Variants in DCLK1 observed in about 807,000 individuals in gnomAD.
DCLK1 encodes the protein doublecortin like kinase 1.
A neutral mutation model predicts 86.2 loss-of-function variants in DCLK1; 16 were observed. That is an observed-to-expected ratio of 0.19 (90% confidence interval 0.13 to 0.28). The LOEUF (loss-of-function observed/expected upper bound fraction) is 0.28. Ranked by LOEUF, DCLK1 falls within the 10% of genes least tolerant of loss-of-function variation. The pLI is 1.00. For missense variants in DCLK1, 590 were observed against 940.2 expected, an observed-to-expected ratio of 0.63 and a Z score of 4.87; for synonymous variants, 369 against 370.5, an observed-to-expected ratio of 1.00 and a Z score of 0.05.
chr13:36,121,707 T>A (rs1170307557), intron 2 of DCLK1, among the ~76,000 whole-genome samples: 1 of 152,148 alleles, frequency 6.6e-6, no homozygotes, highest in African/African-American at 2.4e-5. Flanking sequence ...CTATTTGCAG[T>A]TTCAGGCAAC....
intron 5 of DCLK1, among the ~76,000 whole-genome samples, chr13:35,869,368 T>G (rs1872100060): frequency 6.6e-6 from 1 of 152,210 alleles, no homozygotes; most frequent in Admixed American, 6.5e-5. Flanking sequence ...ACTGACTCTC[T>G]GAGGCCAGGT....
rs192719368 is a variant in DCLK1, at chr13:35,876,643, C to T, written c.824-5303G>A. On this transcript the variant is annotated intron_variant, in intron 4 of 16. Transcript: ENST00000360631. ...TTTGAAACATTGTGAATAATATGACCTAAATGGCCAGTAATGTAGAAAACC... is the reference window on the plus strand; with the variant it reads ...TTTGAAACATTGTGAATAATATGACTTAAATGGCCAGTAATGTAGAAAACC... 3.0e-3 allele frequency among the ~76,000 whole-genome samples: 463 copies of T among 152,250 alleles called. 5 individuals are homozygous for T. Among genetic ancestry groups the T allele is most frequent in the African/African-American group, 0.01 (435 of 41,540 alleles).
intron 8 of DCLK1, among the ~76,000 whole-genome samples, chr13:35,833,285 G>A (rs766737434): frequency 2.0e-5 from 3 of 152,150 alleles, no homozygotes; most frequent in Non-Finnish European, 2.9e-5. Context: ...CCCTTGGCTC[G>A]TGTAGTTATT....
At chr13:35,811,113 C>G in intron 11 of DCLK1, 145 bp from the exon 12 acceptor site, 1 of 957,758 alleles carries the variant, frequency 1.0e-6, no homozygotes, top group Non-Finnish European at 1.6e-6. Flanking sequence ...GATATACATA[C>G]AAAATAGCTT....
intron 6 of DCLK1, chr13:35,847,916 C>T: frequency 1.0e-6 from 1 of 985,238 alleles, no homozygotes; most frequent in Non-Finnish European, 1.2e-6. Context: ...TTAAACAAGA[C>T]AAAAACACAC....
At chr13:36,052,390 T>C (rs1243511482) in intron 3 of DCLK1, among the ~76,000 whole-genome samples, 1 of 152,096 alleles carries the variant, frequency 6.6e-6, no homozygotes, top group African/African-American at 2.4e-5. Flanking sequence ...GAGGATATCA[T>C]GTGAGAAAGA....
chr13:36,118,998 A>G (rs1008847253), intron 2 of DCLK1, among the ~76,000 whole-genome samples: 28 of 152,200 alleles, frequency 1.8e-4, no homozygotes, highest in African/African-American at 6.5e-4. Flanking sequence ...ATCACCTACC[A>G]AAAGCCCTAC....
chr13:35,867,030 C>G (rs1486512695), intron 5 of DCLK1, among the ~76,000 whole-genome samples: 1 of 152,154 alleles, frequency 6.6e-6, no homozygotes, highest in Non-Finnish European at 1.5e-5. Flanking sequence ...TCCTTAACCT[C>G]TGGGCCCGGT....
intron 3 of DCLK1, among the ~76,000 whole-genome samples, chr13:35,978,853 T>C (rs905603984): frequency 2.0e-5 from 3 of 152,190 alleles, no homozygotes; most frequent in Non-Finnish European, 4.4e-5. Flanking sequence ...ATGATGGAAC[T>C]ATCTTCTAAA....
intron 10 of DCLK1, among the ~76,000 whole-genome samples, chr13:35,825,634 A>G (rs1157994263): frequency 1.3e-5 from 2 of 152,176 alleles, no homozygotes; most frequent in Admixed American, 6.5e-5. Context: ...TTCTAACAGC[A>G]CATAGAAGGG....
At position 35,771,905 on chromosome 13, in the gene DCLK1, T is replaced by C. The variant is rs914862032; in HGVS notation, c.*2630A>G. The C allele has an allele frequency of 5.3e-5, 8 of 152,186 alleles. No individual in the cohort carries two copies. The highest frequency in any genetic ancestry group is 7.3e-5 in the Non-Finnish European group (5 of 68,040). 9.4% of individuals were successfully genotyped at this position (152,186 alleles called of 1,614,324 possible). On this transcript the variant is annotated 3_prime_UTR_variant, in exon 17 of 17. Coordinates refer to ENST00000360631, the MANE Select transcript of DCLK1 (RefSeq NM_001330071.2). Reference sequence around the variant, plus strand: ...CACCACCACTTAATTATTTCAAACTTGAACTATCCCAAGAATGTCGAGAAA... The same window carrying C: ...CACCACCACTTAATTATTTCAAACTCGAACTATCCCAAGAATGTCGAGAAA...
chr13:35,826,595 T>C (rs1002115316), intron 10 of DCLK1, among the ~76,000 whole-genome samples: 1 of 146,286 alleles, frequency 6.8e-6, no homozygotes, highest in African/African-American at 2.5e-5. Context: ...TAAAAATAAA[T>C]TTCACCTATA....
intron 6 of DCLK1, among the ~76,000 whole-genome samples, chr13:35,842,497 C>T (rs1159299966): frequency 6.8e-6 from 1 of 148,058 alleles, no homozygotes; most frequent in Non-Finnish European, 1.5e-5. Flanking sequence ...ATAGTGAAAC[C>T]CTGTCTCTCC....
intron 3 of DCLK1, among the ~76,000 whole-genome samples, chr13:35,965,161 T>A (rs1170982): frequency 0.99 from 150,369 of 152,306 alleles, 74,255 homozygotes; most frequent in Middle Eastern, 1. Context: ...TTCTGAACAC[T>A]GGGCAGGTAC....
At chr13:35,878,111 T>G (rs1029492414) in intron 4 of DCLK1, among the ~76,000 whole-genome samples, 4 of 152,180 alleles carry the variant, frequency 2.6e-5, no homozygotes, top group African/African-American at 9.6e-5. Context: ...GCCTGGGAGA[T>G]TCACCACCTC....
chr13:35,874,693 C>A (rs1872494400), intron 4 of DCLK1, among the ~76,000 whole-genome samples: 1 of 152,160 alleles, frequency 6.6e-6, no homozygotes, highest in South Asian at 2.1e-4. Context: ...ACAACATTAA[C>A]AACGTCAGAA....
chr13:36,082,309 A>G (rs764951499), intron 3 of DCLK1, among the ~76,000 whole-genome samples: 1 of 152,138 alleles, frequency 6.6e-6, no homozygotes, highest in African/African-American at 2.4e-5. Context: ...ATTTTATCTT[A>G]ATAATATTTT....
Position 35,769,327 on chromosome 13 carries a change from G to A in DCLK1, c.*5208C>T, listed in dbSNP as rs1290866074. On this transcript the variant is annotated 3_prime_UTR_variant, in exon 17 of 17. Coordinates refer to ENST00000360631, the MANE Select transcript of DCLK1 (RefSeq NM_001330071.2). The stretch of plus-strand genomic sequence containing the variant: ...TCAAATTGAAACCTTTCAGAAACTT[G>A]TTTAAATGCGCCAAGTCCCTACGCA... 6.6e-6 allele frequency: 1 copy of A among 152,124 alleles called. No homozygotes were observed. Among genetic ancestry groups the A allele is most frequent in the African/African-American group, 2.4e-5 (1 of 41,432 alleles). The allele number at this position is 152,124 out of a possible 1,614,324, so 9.4% of individuals were successfully genotyped here.
chr13:35,948,773 C>T (rs774471700), intron 3 of DCLK1, among the ~76,000 whole-genome samples: 1 of 152,080 alleles, frequency 6.6e-6, no homozygotes, highest in East Asian at 1.9e-4. Context: ...GTTTAGTCTG[C>T]CCATGAAAGC....
Sources: gnomAD v4.1 joint callset for allele counts (sites outside exome capture counted in the v4.1 genomes callset) on GRCh38, gnomAD v4.1.1 for gene constraint, MANE v1.5 for transcripts, NCBI Gene and HGNC (gene_info 2026-07-23, HGNC 2026-07-21) for gene names.